Variants in CTDP1 observed in about 807,000 individuals in gnomAD.
The protein encoded by CTDP1 is RNA polymerase II subunit A C-terminal domain phosphatase.
Under a neutral mutation model 91.8 loss-of-function variants are expected in CTDP1, and 47 were observed. The observed-to-expected ratio is 0.51, with a 90% CI of 0.41 to 0.65. The LOEUF (loss-of-function observed/expected upper bound fraction) is 0.65, where lower values mean the gene tolerates loss of function less well. Among genes scored for constraint, CTDP1 ranks in the 30% least tolerant of loss-of-function variants. The pLI, the probability that CTDP1 is intolerant of heterozygous loss-of-function variation, is 0.00. For missense variants in CTDP1, 1,272 were observed against 1,373.7 expected, an observed-to-expected ratio of 0.93 and a Z score of 1.17; for synonymous variants, 656 against 598.5, an observed-to-expected ratio of 1.10 and a Z score of -1.40.
chr18:79,693,843 C>A (rs2085676253), intron 1 of CTDP1, among the ~76,000 whole-genome samples: 1 of 147,286 alleles, frequency 6.8e-6, no homozygotes, highest in Non-Finnish European at 1.5e-5. Flanking sequence ...GGCTACAGAC[C>A]CGCCCCTCCG....
At chr18:79,741,320 G>A (rs2086773827) in intron 12 of CTDP1, among the ~76,000 whole-genome samples, 1 of 152,214 alleles carries the variant, frequency 6.6e-6, no homozygotes, top group South Asian at 2.1e-4. Context: ...GGTGGCCGGA[G>A]GTGAATCATC....
rs1279831214 is a variant in CTDP1, at chr18:79,713,722, G to A, written c.1030+584G>A. On this transcript the variant is annotated intron_variant, in intron 7 of 12. Coordinates refer to ENST00000613122, the MANE Select transcript of CTDP1 (RefSeq NM_004715.5). This position sits in a 1 kb window ranked among gnomAD's most constrained non-coding sequence, Gnocchi z 4.7. ...TTGGAGGTTAGGACCAGGGGAGGGTGAAACTAGGGGCATTCCTGTAGAAGG... is the reference window on the plus strand; with the variant it reads ...TTGGAGGTTAGGACCAGGGGAGGGTAAAACTAGGGGCATTCCTGTAGAAGG... 2.0e-5 allele frequency among the ~76,000 whole-genome samples: 3 copies of A among 152,246 alleles called. No homozygotes were observed. Among genetic ancestry groups the A allele is most frequent in the East Asian group, 3.8e-4 (2 of 5,206 alleles).
intron 6 of CTDP1, among the ~76,000 whole-genome samples, chr18:79,711,816 T>C (rs1449881087): frequency 1.3e-5 from 2 of 152,196 alleles, no homozygotes; most frequent in Non-Finnish European, 2.9e-5. Context: ...GCAAAGACTT[T>C]TTAATATTCT....
Position 79,736,415 on chromosome 18 carries a change from G to A in CTDP1, c.2641G>A (p.Glu881Lys), listed in dbSNP as rs1433414123. ...CGACAGCGAGAAGAGGAGGCCTGAG[G>A]AGCAGGAGGAGGAGCCCCAGCCCCG... ...DSDSEKRRPEEQEEEPQPRKP... is the reference protein window; with the variant it reads ...DSDSEKRRPEKQEEEPQPRKP... The change falls in exon 12 of 13, where the codon GAG becomes AAG. Residue 881 changes from glutamate to lysine, a missense_variant. By Grantham distance (56) the Glu-to-Lys change is moderately conservative (BLOSUM62 1). Coordinates refer to ENST00000613122, the MANE Select transcript of CTDP1 (RefSeq NM_004715.5). The A allele has an allele frequency of 2.6e-6, 4 of 1,549,376 alleles. No homozygotes were observed. Among genetic ancestry groups the A allele is most frequent in the African/African-American group, 1.4e-5 (1 of 72,998 alleles).
intron 12 of CTDP1, among the ~76,000 whole-genome samples, chr18:79,750,611 G>A (rs1475588831): frequency 6.7e-6 from 1 of 150,002 alleles, no homozygotes; most frequent in African/African-American, 2.5e-5. Flanking sequence ...CTCGTGCCCC[G>A]GCTTCCCGAG....
Position 79,695,253 on chromosome 18 carries a change from AG to A in CTDP1, c.344del (p.Ser115ThrfsTer6). ...GAVLVRLEGC[S>X]HPVVMKGLCA... ...GGTTCTGGTGAGGTTGGAAGGATGC[AG>A]CCACCCGGTTGTCATGAAAGGCCTG... On this transcript the variant is annotated frameshift_variant, in exon 2 of 13. Coordinates refer to ENST00000613122, the MANE Select transcript of CTDP1 (RefSeq NM_004715.5). LOFTEE classifies it high-confidence loss of function. The A allele has an allele frequency of 6.2e-7, 1 of 1,614,136 alleles. No homozygotes were observed. The highest frequency in any genetic ancestry group is 8.5e-7 in the Non-Finnish European group (1 of 1,180,034).
At chr18:79,691,217 C>T (rs866661865) in intron 1 of CTDP1, among the ~76,000 whole-genome samples, 2 of 152,232 alleles carry the variant, frequency 1.3e-5, no homozygotes, top group South Asian at 4.1e-4. Flanking sequence ...CTGTTGGTGA[C>T]AGCAGGCAGT....
intron 8 of CTDP1, among the ~76,000 whole-genome samples, chr18:79,716,579 G>C (rs747669581): frequency 6.6e-6 from 1 of 152,026 alleles, no homozygotes; most frequent in South Asian, 2.1e-4. Context: ...CCAGGCCGGG[G>C]TCCTCCTTGG....
chr18:79,734,454 C>T (rs1413150963), intron 11 of CTDP1, among the ~76,000 whole-genome samples: 1 of 152,224 alleles, frequency 6.6e-6, no homozygotes, highest in Non-Finnish European at 1.5e-5. Flanking sequence ...TGAATGTGTG[C>T]CCACGTTTCT....
chr18:79,753,551 G>T, intron 12 of CTDP1, 101 bp from the exon 13 acceptor site: 1 of 1,575,134 alleles, frequency 6.3e-7, no homozygotes, highest in South Asian at 1.1e-5. Flanking sequence ...GTGCCGTCTT[G>T]TGTTAAAACC....
At chr18:79,718,083 T>G (rs1033713011) in intron 10 of CTDP1, 67 bp downstream of exon 10, 1 of 1,575,220 alleles carries the variant, frequency 6.3e-7, no homozygotes, top group Admixed American at 1.7e-5. Context: ...TCCAGTCTGT[T>G]GGGGGGATGG....
At chr18:79,742,991 A>G (rs1000282825) in intron 12 of CTDP1, among the ~76,000 whole-genome samples, 2 of 152,142 alleles carry the variant, frequency 1.3e-5, no homozygotes, top group African/African-American at 4.8e-5. Flanking sequence ...ACCTAATTGT[A>G]TTGTTGGGCC....
Position 79,728,891 on chromosome 18 carries a change from A to G in CTDP1, c.2418-16A>G, listed in dbSNP as rs752209032. 8 of 1,613,450 alleles carry G rather than the reference A, an allele frequency of 5.0e-6. No individual in the cohort carries two copies. Among genetic ancestry groups the G allele is most frequent in the Non-Finnish European group, 6.8e-6 (8 of 1,180,026 alleles). On this transcript the variant is annotated splice_polypyrimidine_tract_variant and intron_variant, in intron 10 of 12. Transcript: ENST00000613122. ...AACTGACCTTCCTCATGTGGGACCT[A>G]TGAAATTCCTTTCAGAGCGGTTCCG...
At chr18:79,749,501 C>CGCGACGCACTCCCGAG (rs66493906) in intron 12 of CTDP1, among the ~76,000 whole-genome samples, 1 of 150,172 alleles carries the variant, frequency 6.7e-6, no homozygotes, top group Non-Finnish European at 1.5e-5. Flanking sequence ...GTGAGGGTCG[C>CGCGACGCACTCCCGAG]GCCCCGTGCA....
At chr18:79,694,209 C>CTCATAGCCT (rs2085689357) in intron 1 of CTDP1, among the ~76,000 whole-genome samples, 1 of 146,258 alleles carries the variant, frequency 6.8e-6, no homozygotes, top group East Asian at 2.0e-4. Flanking sequence ...GGCCTCATGT[C>CTCATAGCCT]TGCAGGGCAG....
Position 79,679,925 on chromosome 18 carries a change from C to A in CTDP1, c.-23C>A. On this transcript the variant is annotated 5_prime_UTR_variant, in exon 1 of 13. Coordinates refer to ENST00000613122, the MANE Select transcript of CTDP1 (RefSeq NM_004715.5). The stretch of plus-strand genomic sequence containing the variant: ...AGCGCAGCGCAGGCCCCGTACCGAC[C>A]GCCCGCCCGCCCTCTGTCCGCGATG... 1.5e-6 allele frequency: 2 copies of A among 1,371,206 alleles called. No homozygotes were observed. Among genetic ancestry groups the A allele is most frequent in the Non-Finnish European group, 1.9e-6 (2 of 1,057,348 alleles). 84.9% of individuals were successfully genotyped at this position (1,371,206 alleles called of 1,614,324 possible). A position where few individuals can be genotyped will look rare whatever the true frequency, so the allele number is the denominator to read the frequency against.
intron 8 of CTDP1, 147 bp downstream of exon 8, chr18:79,715,675 AGT>A: frequency 2.1e-6 from 2 of 956,214 alleles, no homozygotes; most frequent in East Asian, 5.3e-5. Flanking sequence ...AGATCATGAC[AGT>A]GGGTGAAATT....
At chr18:79,697,380 C>G (rs111758099) in intron 3 of CTDP1, among the ~76,000 whole-genome samples, 1 of 152,194 alleles carries the variant, frequency 6.6e-6, no homozygotes, top group South Asian at 2.1e-4. Flanking sequence ...GAGGGACACC[C>G]CGATGCGCTG....
At chr18:79,743,551 A>T (rs944987966) in intron 12 of CTDP1, among the ~76,000 whole-genome samples, 2 of 145,278 alleles carry the variant, frequency 1.4e-5, no homozygotes, top group African/African-American at 5.2e-5. Flanking sequence ...AAAACAGTGA[A>T]GCACAAAGTG....
Sources: allele counts gnomAD v4.1 joint callset (sites outside exome capture counted in the v4.1 genomes callset), GRCh38; gene constraint gnomAD v4.1.1; non-coding constraint Gnocchi (gnomAD v3.1); transcripts MANE v1.5; gene names NCBI Gene and HGNC (gene_info 2026-07-23, HGNC 2026-07-21).